The following SLC23A1 variants were observed in gnomAD, a reference collection of about 807,000 sequenced individuals.
SLC23A1 encodes solute carrier family 23 member 1.
In SLC23A1, 31 loss-of-function variants were observed where a neutral mutation model predicts 62.5. The ratio of observed to expected loss-of-function variants is 0.50; its 90% CI spans 0.37 to 0.67. The LOEUF (loss-of-function observed/expected upper bound fraction) is 0.67. Among genes scored for constraint, SLC23A1 ranks in the 30% least tolerant of loss-of-function variants. The pLI, the probability that SLC23A1 is intolerant of heterozygous loss-of-function variation, is 0.00. For missense variants in SLC23A1, 640 were observed against 782.7 expected, an observed-to-expected ratio of 0.82 and a Z score of 2.18; for synonymous variants, 271 against 313.2, an observed-to-expected ratio of 0.87 and a Z score of 1.42.
chr5:139,377,188 TC>T (rs1757987354), intron 13 of SLC23A1, among the ~76,000 whole-genome samples: 1 of 151,758 alleles, frequency 6.6e-6, no homozygotes, highest in Non-Finnish European at 1.5e-5. Flanking sequence ...CAGTGACTCT[TC>T]CGGCCCCATC....
At chr5:139,382,669 C>T in intron 1 of SLC23A1, 64 bp from the exon 2 acceptor site, 1 of 1,032,164 alleles carries the variant, frequency 9.7e-7, no homozygotes, top group South Asian at 1.3e-5. Flanking sequence ...TCCATTCTGC[C>T]CCAGAATCAA....
In SLC23A1 at chr5:139,381,968, T is replaced by C. The variant is rs760995469; in HGVS notation, c.232A>G (p.Met78Val). The change falls in exon 3 of 15, where the codon ATG becomes GTG. Residue 78 changes from methionine (M) to valine (V), a missense_variant. Physicochemically the swap from Met to Val is conservative, Grantham distance 21. Transcript: ENST00000348729. ...ATGGTGCCGATGAGCTGACTAACCA[T>C]GTGCTGGTCGTGGCCCACACACAGC... ...EALCVGHDQH[M>V]VSQLIGTIFT... 12 of 1,597,778 alleles carry C rather than the reference T, an allele frequency of 7.5e-6. No homozygotes were observed. In the South Asian group the frequency reaches 1.2e-4, roughly 17 times the overall value.
In SLC23A1 at chr5:139,379,257, G is replaced by A. The variant is rs1406572302; in HGVS notation, c.1023C>T (p.Ala341=). 2 of 1,614,204 alleles carry A rather than the reference G, an allele frequency of 1.2e-6. No individual in the cohort carries two copies. The highest frequency in any genetic ancestry group is 1.7e-6 in the Non-Finnish European group (2 of 1,180,026). The change falls in exon 9 of 15, where the codon GCC becomes GCT. Residue 341 remains alanine (A), a synonymous_variant. Coordinates refer to ENST00000348729, the MANE Select transcript of SLC23A1 (RefSeq NM_005847.5). This position sits in a 1 kb window ranked among gnomAD's most constrained non-coding sequence, Gnocchi z 4.7. ...GIIESIGDYY[A]CARLAGAPPP... The stretch of plus-strand genomic sequence containing the variant: ...GTGGTGCACCAGCCAGGCGGGCACA[G>A]GCGTAGTAATCTCCGATGGACTCAA...
chr5:139,378,207 G>A lies in SLC23A1; in HGVS notation c.1309+15C>T, dbSNP rs1350629462. The stretch of plus-strand genomic sequence containing the variant: ...CGACCCGCACCGCGACCCGTGGCCC[G>A]CGCCAGACACTCACCAAAGAGAGTG... On this transcript the variant is annotated intron_variant, in intron 11 of 14. Coordinates refer to ENST00000348729, the MANE Select transcript of SLC23A1 (RefSeq NM_005847.5). The surrounding 1 kb of genome is among the most constrained non-coding windows in gnomAD (Gnocchi z 4.5). 4 of 1,612,880 alleles carry A rather than the reference G, an allele frequency of 2.5e-6. No homozygotes were observed. The highest frequency in any genetic ancestry group is 2.5e-6 in the Non-Finnish European group (3 of 1,179,594).
intron 4 of SLC23A1, 57 bp from the exon 5 acceptor site, chr5:139,380,689 GAA>G: frequency 6.6e-7 from 1 of 1,510,594 alleles, no homozygotes; most frequent in African/African-American, 1.4e-5. Flanking sequence ...GAGAGGGAGA[GAA>G]GATGCTGCCA....
chr5:139,372,358 T>G, intron 13 of SLC23A1, 105 bp from the exon 14 acceptor site: 1 of 1,090,932 alleles, frequency 9.2e-7, no homozygotes, highest in East Asian at 2.4e-5. Flanking sequence ...AGTATCTTCC[T>G]TAACTATCAT....
intron 13 of SLC23A1, among the ~76,000 whole-genome samples, chr5:139,373,616 C>T (rs1757796129): frequency 6.6e-6 from 1 of 152,182 alleles, no homozygotes; most frequent in Non-Finnish European, 1.5e-5. Context: ...CACTTGCTGG[C>T]AGCCCAGGCT....
intron 6 of SLC23A1, 63 bp from the exon 7 acceptor site, chr5:139,380,139 G>C (rs1350110162): frequency 1.9e-6 from 3 of 1,567,508 alleles, no homozygotes; most frequent in Non-Finnish European, 1.7e-6. Context: ...GAGCCGGGAA[G>C]AAGGACCAAG....
rs1581368112 is a variant in SLC23A1 at position 139,378,490 on chromosome 5, T to G, written c.1179+89A>C. 7.0e-7 allele frequency: 1 copy of G among 1,429,950 alleles called. No individual in the cohort carries two copies. The allele number at this position is 1,429,950 out of a possible 1,614,324, so 88.6% of individuals were successfully genotyped here. A position where few individuals can be genotyped will look rare whatever the true frequency, so the allele number is the denominator to read the frequency against. On this transcript the variant is annotated intron_variant, in intron 10 of 14. Transcript: ENST00000348729. This position sits in a 1 kb window ranked among gnomAD's most constrained non-coding sequence, Gnocchi z 4.5. ...GGGGCGAGGCCTCTCAAAGACAGGG[T>G]GGGGCTAAACCAAAGTGGGGACCGA...
At chr5:139,383,666 T>A (rs1040592233), upstream of SLC23A1, among the ~76,000 whole-genome samples, 3 of 152,248 alleles carry the variant, frequency 2.0e-5, no homozygotes, top group Admixed American at 2.0e-4. Context: ...ATCATTATCA[T>A]CATCATCATA....
upstream of SLC23A1, chr5:139,384,592 T>A: frequency 7.9e-7 from 1 of 1,270,150 alleles, no homozygotes; most frequent in Non-Finnish European, 1.0e-6. Context: ...CTCTCCAACT[T>A]CTCCTCCCAG....
At chr5:139,382,882 G>A (rs950060061) in intron 1 of SLC23A1, among the ~76,000 whole-genome samples, 2 of 152,214 alleles carry the variant, frequency 1.3e-5, no homozygotes, top group Non-Finnish European at 2.9e-5. Context: ...TAAGTCAGAA[G>A]TCTTGGAGAC....
upstream of SLC23A1, among the ~76,000 whole-genome samples, chr5:139,383,838 G>T (rs1220110783): frequency 6.6e-6 from 1 of 152,206 alleles, no homozygotes; most frequent in African/African-American, 2.4e-5. Context: ...TAGCAAGTTT[G>T]CAGAAACCAA....
intron 5 of SLC23A1, 81 bp from the exon 6 acceptor site, chr5:139,380,470 CCACCT>C: frequency 6.3e-7 from 1 of 1,594,400 alleles, no homozygotes; most frequent in Non-Finnish European, 8.6e-7. Context: ...AGCTCCTGGA[CCACCT>C]CCTCAAATCC....
At chr5:139,376,289 C>G (rs1475052208) in intron 13 of SLC23A1, among the ~76,000 whole-genome samples, 1 of 151,718 alleles carries the variant, frequency 6.6e-6, no homozygotes, top group Non-Finnish European at 1.5e-5. Context: ...CCTGCCTCAG[C>G]CTCCCGAGAA....
Position 139,380,562 on chromosome 5 carries a change from C to T in SLC23A1, c.465+3G>A, listed in dbSNP as rs1245031331. 1.9e-6 allele frequency: 3 copies of T among 1,613,934 alleles called. No individual in the cohort carries two copies. Among genetic ancestry groups the T allele is most frequent in the Admixed American group, 3.3e-5 (2 of 60,030 alleles). On this transcript the variant is annotated splice_donor_region_variant and intron_variant, in intron 5 of 14. Coordinates refer to ENST00000348729, the MANE Select transcript of SLC23A1 (RefSeq NM_005847.5). ...CCTCTTCTATGCTTACATGCAAACC[C>T]ACCTCCCGTATCCGTGGGTGCCAAA...
chr5:139,371,849 T>TA (rs1757686388), intron 14 of SLC23A1, 138 bp downstream of exon 14: 1 of 721,010 alleles, frequency 1.4e-6, no homozygotes, highest in African/African-American at 1.8e-5. Flanking sequence ...GTTGACTTTT[T>TA]ACCCAGCTCA....
intron 14 of SLC23A1, chr5:139,369,494 T>C (rs1465469756): frequency 1.2e-3 from 1 of 824 alleles, no homozygotes; most frequent in Non-Finnish European, 0.015. Context: ...ACAAAGATAC[T>C]GTAACATGAT....
chr5:139,384,244 C>G (rs75665388), upstream of SLC23A1: 39 of 830,862 alleles, frequency 4.7e-5, no homozygotes, highest in East Asian at 2.5e-3. Flanking sequence ...CAGAGGGGGA[C>G]ATGGGGAGGG....
Sources: gnomAD v4.1 joint callset for allele counts (sites outside exome capture counted in the v4.1 genomes callset) on GRCh38, gnomAD v4.1.1 for gene constraint, Gnocchi (gnomAD v3.1) non-coding constraint, MANE v1.5 for transcripts, NCBI Gene and HGNC (gene_info 2026-07-23, HGNC 2026-07-21) for gene names.